NRG1: variants seen among roughly 807,000 people sequenced by gnomAD.
NRG1 encodes the protein pro-neuregulin-1, membrane-bound isoform.
In NRG1, 18 loss-of-function variants were observed where a neutral mutation model predicts 63.8. That is an observed-to-expected ratio of 0.28 (90% CI 0.19 to 0.42). The LOEUF is 0.42. Ranked by LOEUF, NRG1 falls within the 10% of genes least tolerant of loss-of-function variation. NRG1 has a pLI of 1.00. For missense variants in NRG1, 762 were observed against 814.7 expected (o/e 0.94, Z 0.79); for synonymous variants, 302 against 301.3 (o/e 1.00, Z -0.02).
intron 1 of NRG1, among the ~76,000 whole-genome samples, chr8:32,106,716 A>T (rs1831308158): frequency 6.6e-6 from 1 of 152,200 alleles, no homozygotes; most frequent in Non-Finnish European, 1.5e-5. Context: ...TAATGATTAG[A>T]GTTGTTGAAA....
At chr8:31,977,671 A>G (rs1435174011) in intron 1 of NRG1, among the ~76,000 whole-genome samples, 3 of 152,154 alleles carry the variant, frequency 2.0e-5, no homozygotes, top group Non-Finnish European at 2.9e-5. Flanking sequence ...TAGTAAACTA[A>G]AAATGAATGG....
At chr8:32,131,723 A>T (rs1428192873) in intron 1 of NRG1, among the ~76,000 whole-genome samples, 2 of 152,018 alleles carry the variant, frequency 1.3e-5, no homozygotes, top group Non-Finnish European at 2.9e-5. Context: ...ACTCCCATGG[A>T]TATTGGAGGA....
At chr8:32,554,333 A>C (rs1834697024) in intron 1 of NRG1, among the ~76,000 whole-genome samples, 2 of 152,202 alleles carry the variant, frequency 1.3e-5, no homozygotes, top group South Asian at 4.1e-4. Flanking sequence ...TTAAAAAAAA[A>C]AGCGAGCTAC....
At chr8:32,757,910 T>C (rs1358094844) in intron 9 of NRG1, among the ~76,000 whole-genome samples, 1 of 152,194 alleles carries the variant, frequency 6.6e-6, no homozygotes, top group Non-Finnish European at 1.5e-5. Flanking sequence ...TGAGCTTATG[T>C]TGCCTTCCAA....
chr8:31,966,694 A>G (rs1364824965), intron 1 of NRG1, among the ~76,000 whole-genome samples: 2 of 152,314 alleles, frequency 1.3e-5, no homozygotes, highest in East Asian at 3.9e-4. Context: ...CATTGAATAG[A>G]TGTGGCACAT....
intron 1 of NRG1, among the ~76,000 whole-genome samples, chr8:31,995,481 G>A (rs1811813731): frequency 1.3e-5 from 2 of 151,792 alleles, no homozygotes; most frequent in Admixed American, 1.3e-4. Context: ...TGTTTTCCTG[G>A]GATACCCTTG....
At chr8:31,653,804 G>A (rs184961002) in intron 1 of NRG1, among the ~76,000 whole-genome samples, 9 of 152,280 alleles carry the variant, frequency 5.9e-5, no homozygotes, top group African/African-American at 1.7e-4. Context: ...CACTGAAAAT[G>A]CAGAGGGTCA....
chr8:32,018,082 G>C (rs1025211673), intron 1 of NRG1, among the ~76,000 whole-genome samples: 2 of 152,254 alleles, frequency 1.3e-5, no homozygotes, highest in African/African-American at 4.8e-5. Flanking sequence ...AAGAATTTTA[G>C]GATTGTGTGC....
chr8:31,905,807 T>C (rs1446143881), intron 1 of NRG1, among the ~76,000 whole-genome samples: 2 of 152,234 alleles, frequency 1.3e-5, no homozygotes, highest in African/African-American at 4.8e-5. Flanking sequence ...TTTCTGTTCA[T>C]TGATCAACTA....
intron 1 of NRG1, among the ~76,000 whole-genome samples, chr8:32,023,021 G>T (rs781456808): frequency 1.3e-5 from 2 of 152,138 alleles, no homozygotes; most frequent in Non-Finnish European, 2.9e-5. Flanking sequence ...TTACTCTACT[G>T]AGACGGATGC....
chr8:31,877,012 T>C (rs917109023), intron 1 of NRG1, among the ~76,000 whole-genome samples: 10 of 152,176 alleles, frequency 6.6e-5, no homozygotes, highest in African/African-American at 2.4e-4. Flanking sequence ...AAGGAAAGAA[T>C]AGCTGATTAC....
At chr8:32,624,080 C>G (rs970894992) in intron 5 of NRG1, among the ~76,000 whole-genome samples, 25 of 152,168 alleles carry the variant, frequency 1.6e-4, no homozygotes, top group African/African-American at 5.8e-4. Flanking sequence ...AACTCAGTGG[C>G]TTAGATTTCA....
intron 1 of NRG1, chr8:32,440,690 C>T (rs1819424336): frequency 6.6e-6 from 1 of 152,104 alleles, no homozygotes; most frequent in East Asian, 1.9e-4. Context: ...TAGTTGTTTC[C>T]ATGGTGATGA....
chr8:32,370,819 C>T (rs58209768), intron 1 of NRG1, among the ~76,000 whole-genome samples: 18,928 of 127,342 alleles, frequency 0.15, 1,494 homozygotes, highest in Middle Eastern at 0.27. Flanking sequence ...GATCTCACTG[C>T]TGCACTCCAG....
chr8:32,417,642 T>A (rs6468101), intron 1 of NRG1, among the ~76,000 whole-genome samples: 137,031 of 151,584 alleles, frequency 0.9, 62,024 homozygotes, highest in East Asian at 1. Context: ...TGATATAGAG[T>A]CATTATCTTT....
chr8:32,569,853 C>G (rs1401304510), intron 1 of NRG1, among the ~76,000 whole-genome samples: 1 of 151,392 alleles, frequency 6.6e-6, no homozygotes, highest in African/African-American at 2.4e-5. Context: ...GTTTTCTTTC[C>G]TAAAAACAAG....
At chr8:31,837,232 A>C (rs879791739) in intron 1 of NRG1, among the ~76,000 whole-genome samples, 1 of 152,002 alleles carries the variant, frequency 6.6e-6, no homozygotes, top group Non-Finnish European at 1.5e-5. Flanking sequence ...GGTGTTTGCT[A>C]TGGAGAAAAT....
At chr8:32,088,521 C>CTT (rs35307615) in intron 1 of NRG1, among the ~76,000 whole-genome samples, 4,058 of 142,902 alleles carry the variant, frequency 0.028, 144 homozygotes, top group African/African-American at 0.079. Context: ...CAAGTCATCA[C>CTT]TTTTTTTTTT....
At chr8:31,749,292 C>T (rs1186250929) in intron 1 of NRG1, among the ~76,000 whole-genome samples, 3 of 151,692 alleles carry the variant, frequency 2.0e-5, no homozygotes, top group South Asian at 2.1e-4. Context: ...ATTAGTTTTA[C>T]AATCTAGAAA....
Sources: gnomAD v4.1 joint callset for allele counts (sites outside exome capture counted in the v4.1 genomes callset) on GRCh38, gnomAD v4.1.1 for gene constraint, MANE v1.5 for transcripts, NCBI Gene and HGNC (gene_info 2026-07-23, HGNC 2026-07-21) for gene names.